HACL1: variants seen among roughly 807,000 people sequenced by gnomAD.
HACL1 encodes the protein 2-hydroxyacyl-CoA lyase 1.
HACL1 carries 64 observed loss-of-function variants against 74.2 expected under a neutral mutation model. The ratio of observed to expected loss-of-function variants is 0.86; its 90% confidence interval spans 0.70 to 1.06. The LOEUF (loss-of-function observed/expected upper bound fraction) is 1.06, where lower values mean the gene tolerates loss of function less well. Among genes scored for constraint, HACL1 ranks in the 50% least tolerant of loss-of-function variants. The pLI, the probability that HACL1 is intolerant of heterozygous loss-of-function variation, is 0.00. For missense variants in HACL1, 728 were observed against 719.7 expected, an observed-to-expected ratio of 1.01 and a Z score of -0.13; for synonymous variants, 230 against 238.8, an observed-to-expected ratio of 0.96 and a Z score of 0.34.
intron 3 of HACL1, among the ~76,000 whole-genome samples, chr3:15,592,369 TAC>T (rs2063939662): frequency 6.6e-6 from 1 of 150,508 alleles, no homozygotes; most frequent in African/African-American, 2.4e-5. Context: ...TATGTATACA[TAC>T]AGACACACGT....
intron 16 of HACL1, among the ~76,000 whole-genome samples, chr3:15,562,226 G>T (rs1417277559): frequency 2.6e-5 from 4 of 152,192 alleles, no homozygotes; most frequent in African/African-American, 9.6e-5. Flanking sequence ...AGTACAGATA[G>T]ATTCTGAAAG....
At chr3:15,588,519 G>A (rs559246072) in intron 5 of HACL1, among the ~76,000 whole-genome samples, 1 of 152,174 alleles carries the variant, frequency 6.6e-6, no homozygotes, top group Non-Finnish European at 1.5e-5. Flanking sequence ...CTTAAGCCTA[G>A]GAGGTAAAGG....
chr3:15,582,819 G>T, intron 8 of HACL1, 58 bp downstream of exon 8: 2 of 806,932 alleles, frequency 2.5e-6, no homozygotes, highest in African/African-American at 1.7e-5. Flanking sequence ...ATGAAAGTTT[G>T]TAAAAAGAAT....
At chr3:15,600,848 C>G (rs1349678770) in intron 2 of HACL1, 1 of 582,702 alleles carries the variant, frequency 1.7e-6, no homozygotes, top group African/African-American at 1.9e-5. Context: ...ACCCAGAATA[C>G]GTGGGTTCAA....
At chr3:15,580,884 C>A (rs2063706429) in intron 8 of HACL1, among the ~76,000 whole-genome samples, 1 of 152,168 alleles carries the variant, frequency 6.6e-6, no homozygotes, top group South Asian at 2.1e-4. Flanking sequence ...GAGCTAACCC[C>A]AGTGGGACAC....
At chr3:15,596,469 T>C (rs748163715) in intron 2 of HACL1, 45 bp from the exon 3 acceptor site, 6 of 1,208,040 alleles carry the variant, frequency 5.0e-6, no homozygotes, top group East Asian at 4.7e-5. Flanking sequence ...GGGATCCTTA[T>C]AGTACATTTA....
At chr3:15,586,417 G>T in intron 6 of HACL1, 108 bp downstream of exon 6, 1 of 646,224 alleles carries the variant, frequency 1.5e-6, no homozygotes, top group East Asian at 2.9e-5. Context: ...TTAACTGCCT[G>T]GGTATGTTCC....
chr3:15,580,504 CT>C (rs2063701337), intron 8 of HACL1, among the ~76,000 whole-genome samples: 1 of 152,174 alleles, frequency 6.6e-6, no homozygotes, highest in African/African-American at 2.4e-5. Flanking sequence ...TTTTAAAATG[CT>C]TAACAAAGTA....
Position 15,601,500 on chromosome 3 carries a change from C to G in HACL1, c.-37G>C, listed in dbSNP as rs1458843574. ...AAGCTCTAAGCACTCACGCAGCCGG[C>G]AAACAAGCGGAATCATCCAGCAAGG... On this transcript the variant is annotated 5_prime_UTR_variant, in exon 1 of 17. Transcript: ENST00000321169. 1 of 1,610,202 alleles carries G rather than the reference C, an allele frequency of 6.2e-7. No individual in the cohort carries two copies. The highest frequency in any genetic ancestry group is 8.5e-7 in the Non-Finnish European group (1 of 1,180,022).
intron 2 of HACL1, among the ~76,000 whole-genome samples, chr3:15,598,099 A>C (rs895352529): frequency 2.6e-5 from 4 of 151,142 alleles, no homozygotes; most frequent in African/African-American, 4.9e-5. Context: ...ATATTGGCTC[A>C]CGGCAACCTC....
At chr3:15,597,122 A>C (rs541253338) in intron 2 of HACL1, among the ~76,000 whole-genome samples, 38 of 152,256 alleles carry the variant, frequency 2.5e-4, no homozygotes, top group Admixed American at 2.4e-3. Flanking sequence ...CTCCTTTTTC[A>C]TTCCTGACAT....
intron 5 of HACL1, among the ~76,000 whole-genome samples, chr3:15,586,902 T>C (rs1025307297): frequency 1.4e-4 from 21 of 152,118 alleles, no homozygotes; most frequent in African/African-American, 5.1e-4. Context: ...GGTGAGACTA[T>C]AAATGGGAAA....
chr3:15,571,527 CT>C, intron 12 of HACL1, 140 bp downstream of exon 12: 4 of 660,818 alleles, frequency 6.1e-6, no homozygotes, highest in African/African-American at 1.9e-5. Context: ...CACTAAATCC[CT>C]TTTTCCATGA....
rs566971734 is a variant in HACL1 at position 15,568,389 on chromosome 3, C to T, written c.1250+43G>A. The T allele has an allele frequency of 5.3e-5, 65 of 1,232,840 alleles. No homozygotes were observed. In the South Asian group the frequency reaches 8.4e-4, roughly 16 times the overall value. 76.4% of individuals were successfully genotyped at this position (1,232,840 alleles called of 1,614,324 possible). On this transcript the variant is annotated intron_variant, in intron 13 of 16. Coordinates refer to ENST00000321169, the MANE Select transcript of HACL1 (RefSeq NM_012260.4). ...CACTATTACAGTTTCATATTAAACA[C>T]ATTATAATGAATTACGACTTCTTTC...
chr3:15,570,201 G>A (rs1176588441), intron 12 of HACL1, among the ~76,000 whole-genome samples: 3 of 151,784 alleles, frequency 2.0e-5, no homozygotes, highest in African/African-American at 7.3e-5. Context: ...TGGGCGTGGT[G>A]GCACACGTCT....
chr3:15,593,616 T>C (rs1298482209), intron 3 of HACL1, among the ~76,000 whole-genome samples: 1 of 152,156 alleles, frequency 6.6e-6, no homozygotes, highest in East Asian at 1.9e-4. Context: ...GGACTACATC[T>C]GGACTAAATC....
intron 9 of HACL1, among the ~76,000 whole-genome samples, chr3:15,579,420 A>G (rs962664859): frequency 2.6e-5 from 4 of 152,224 alleles, no homozygotes; most frequent in African/African-American, 7.2e-5. Context: ...GAAGCAAAAT[A>G]TAAAATAAAA....
chr3:15,600,995 G>A (rs1428299650), intron 2 of HACL1, 95 bp downstream of exon 2: 5 of 755,650 alleles, frequency 6.6e-6, no homozygotes, highest in South Asian at 4.2e-5. Flanking sequence ...AGTAGCAGAA[G>A]AGTGGTAAGC....
intron 4 of HACL1, 65 bp from the exon 5 acceptor site, chr3:15,589,677 A>G: frequency 1.1e-6 from 1 of 930,918 alleles, no homozygotes; most frequent in Non-Finnish European, 1.8e-6. Flanking sequence ...CACTAAACAC[A>G]GTGTCTAATT....
Sources: allele counts gnomAD v4.1 joint callset (sites outside exome capture counted in the v4.1 genomes callset), GRCh38; gene constraint gnomAD v4.1.1; transcripts MANE v1.5; gene names NCBI Gene and HGNC (gene_info 2026-07-23, HGNC 2026-07-21).